Variants in BLOC1S3 observed in about 807,000 individuals in gnomAD.
The protein encoded by BLOC1S3 is biogenesis of lysosomal organelles complex 1 subunit 3.
BLOC1S3 carries 7 observed loss-of-function variants against 9.1 expected under a neutral mutation model. That is an observed-to-expected ratio of 0.77 (90% CI 0.44 to 1.45). BLOC1S3 has a LOEUF of 1.45. Ranked by LOEUF, BLOC1S3 falls within the 40% of genes most tolerant of loss-of-function variation. BLOC1S3 has a pLI of 0.01. For synonymous variants in BLOC1S3, 145 were observed against 158.4 expected, an observed-to-expected ratio of 0.92 and a Z score of 0.64; for missense variants, 307 against 315.2, an observed-to-expected ratio of 0.97 and a Z score of 0.20.
intron 3 of BLOC1S3, among the ~76,000 whole-genome samples, chr19:45,206,138 G>A (rs1014400021): frequency 7.2e-5 from 11 of 151,862 alleles, no homozygotes; most frequent in African/African-American, 1.5e-4. Context: ...ACCTGAGGTC[G>A]GCAGTTCAAG....
At chr19:45,195,026 G>A (rs1188028338) in intron 2 of BLOC1S3, among the ~76,000 whole-genome samples, 1 of 150,592 alleles carries the variant, frequency 6.6e-6, no homozygotes, top group Non-Finnish European at 1.5e-5. Flanking sequence ...CCGCCTCCCA[G>A]TTCAAGCGAG....
intron 3 of BLOC1S3, chr19:45,216,129 G>C: frequency 6.2e-7 from 1 of 1,614,034 alleles, no homozygotes; most frequent in Non-Finnish European, 8.5e-7. Context: ...TGCTGGGCGT[G>C]TCTTCCAGCT....
intron 2 of BLOC1S3, among the ~76,000 whole-genome samples, chr19:45,198,638 T>G (rs1969667467): frequency 6.6e-6 from 1 of 152,226 alleles, no homozygotes; most frequent in African/African-American, 2.4e-5. Flanking sequence ...TCCTAGCCTG[T>G]GAGGTTTCCA....
intron 2 of BLOC1S3, among the ~76,000 whole-genome samples, chr19:45,196,031 C>T (rs3848527): frequency 6.6e-6 from 1 of 152,032 alleles, no homozygotes; most frequent in East Asian, 1.9e-4. Flanking sequence ...AGGGTGTTCC[C>T]TATTGTTTGT....
At chr19:45,192,472 C>T (rs530016797) in intron 2 of BLOC1S3, among the ~76,000 whole-genome samples, 11 of 152,172 alleles carry the variant, frequency 7.2e-5, no homozygotes, top group African/African-American at 2.4e-4. Flanking sequence ...TCTTCCCTCC[C>T]GCTTCCTTGA....
intron 3 of BLOC1S3, among the ~76,000 whole-genome samples, chr19:45,215,903 GAGA>G (rs1413683477): frequency 2.6e-5 from 4 of 152,214 alleles, no homozygotes; most frequent in East Asian, 1.9e-4. Flanking sequence ...GCGGCGGCAG[GAGA>G]AGGAGGGAAA....
At chr19:45,211,065 C>A (rs540108054) in intron 3 of BLOC1S3, among the ~76,000 whole-genome samples, 11 of 152,206 alleles carry the variant, frequency 7.2e-5, no homozygotes, top group Admixed American at 2.0e-4. Context: ...GAGCTATGAT[C>A]GTGTCATTGC....
chr19:45,214,793 C>T (rs1376886008), intron 3 of BLOC1S3, among the ~76,000 whole-genome samples: 1 of 152,000 alleles, frequency 6.6e-6, no homozygotes, highest in South Asian at 2.1e-4. Context: ...TAGAGCCAGT[C>T]TACTGCCTGG....
At chr19:45,208,357 A>G (rs1433917496) in intron 3 of BLOC1S3, among the ~76,000 whole-genome samples, 1 of 151,980 alleles carries the variant, frequency 6.6e-6, no homozygotes. Context: ...CTGTAATCTC[A>G]GTACTTTGGG....
In BLOC1S3 at chr19:45,179,824, C is replaced by T. The variant is rs1296913254; in HGVS notation, c.528C>T (p.Ile176=). ...DLCALAERLD[I]VAGCRLLPDI... Reference sequence around the variant, plus strand: ...GTGCGCTGGCCGAGCGTCTGGACATCGTGGCTGGCTGCCGCCTGCTGCCGG... The same window carrying T: ...GTGCGCTGGCCGAGCGTCTGGACATTGTGGCTGGCTGCCGCCTGCTGCCGG... Residue 176 remains isoleucine (I), a synonymous_variant, in exon 2 of 2, where the codon ATC becomes ATT. Coordinates refer to ENST00000433642, the MANE Select transcript of BLOC1S3 (RefSeq NM_212550.5). This position sits in a 1 kb window ranked among gnomAD's most constrained non-coding sequence, Gnocchi z 4.6. 2 of 1,608,082 alleles carry T rather than the reference C, an allele frequency of 1.2e-6. No individual in the cohort carries two copies. Among genetic ancestry groups the T allele is most frequent in the Non-Finnish European group, 1.7e-6 (2 of 1,178,412 alleles).
At position 45,180,020 on chromosome 19, in the gene BLOC1S3, G is replaced by A. The variant is rs947548441; in HGVS notation, c.*115G>A. The A allele has an allele frequency of 1.3e-5, 17 of 1,269,394 alleles. No individual in the cohort carries two copies. Among genetic ancestry groups the A allele is most frequent in the African/African-American group, 3.1e-5 (2 of 64,818 alleles). 78.6% of individuals were successfully genotyped at this position (1,269,394 alleles called of 1,614,324 possible). On this transcript the variant is annotated 3_prime_UTR_variant, in exon 2 of 2. Transcript: ENST00000433642. ...CCCCCACCCCCGCTCCCATCTTGGTGTCACCCATGGGGGCTAATCCGGTCC... is the reference window on the plus strand; with the variant it reads ...CCCCCACCCCCGCTCCCATCTTGGTATCACCCATGGGGGCTAATCCGGTCC...
At chr19:45,198,281 GT>G (rs1969664139) in intron 2 of BLOC1S3, among the ~76,000 whole-genome samples, 1 of 151,854 alleles carries the variant, frequency 6.6e-6, no homozygotes, top group South Asian at 2.1e-4. Flanking sequence ...TGGGGAAGGG[GT>G]TTTTTTGTTT....
At chr19:45,210,249 T>C (rs1433171988) in intron 3 of BLOC1S3, among the ~76,000 whole-genome samples, 1 of 151,974 alleles carries the variant, frequency 6.6e-6, no homozygotes, top group Non-Finnish European at 1.5e-5. Context: ...TTTAAAATTT[T>C]TTTATTGTGC....
rs575446531 is a variant in BLOC1S3 at position 45,207,500 on chromosome 19, T to G, written n.282+4993T>G. On this transcript the variant is annotated intron_variant and non_coding_transcript_variant, in intron 3 of 3. Coordinates refer to the BLOC1S3 transcript ENST00000591569. The stretch of plus-strand genomic sequence containing the variant: ...ATCTTTAACTTCTCGCAGTCTACAT[T>G]CAAGTGCTACTGCACTCCACACTCC... Among the ~76,000 whole-genome samples, 9 of 136,770 alleles carry G rather than the reference T, an allele frequency of 6.6e-5. No homozygotes were observed. The South Asian group carries it at 1.8e-3, about 28-fold the overall frequency. 89.7% of individuals were successfully genotyped at this position (136,770 alleles called of 152,430 possible). A position where few individuals can be genotyped will look rare whatever the true frequency, so the allele number is the denominator to read the frequency against.
At chr19:45,194,102 CT>C (rs34470523) in intron 2 of BLOC1S3, among the ~76,000 whole-genome samples, 2,475 of 44,970 alleles carry the variant, frequency 0.055, 57 homozygotes, top group Non-Finnish European at 0.064. Context: ...CGCGCCTGGC[CT>C]TTTTTTTTTT....
In BLOC1S3 at chr19:45,210,081, G is replaced by A. The variant is rs1969756910; in HGVS notation, n.283-6595G>A. 2.1e-5 allele frequency among the ~76,000 whole-genome samples: 3 copies of A among 145,488 alleles called. No homozygotes were observed. In the South Asian group the frequency reaches 6.4e-4, roughly 31 times the overall value. ...CAAAACAAAACAAAATTATGCACAT[G>A]AAAAACATCAGTCACAAAAGACTAC... On this transcript the variant is annotated intron_variant and non_coding_transcript_variant, in intron 3 of 3. Coordinates refer to the BLOC1S3 transcript ENST00000591569.
At chr19:45,216,060 CG>C in intron 3 of BLOC1S3, 1 of 1,613,020 alleles carries the variant, frequency 6.2e-7, no homozygotes, top group Non-Finnish European at 8.5e-7. Flanking sequence ...CTGGCCCAGG[CG>C]GGGTGTCTCA....
downstream of BLOC1S3, among the ~76,000 whole-genome samples, chr19:45,183,734 C>T (rs999530791): frequency 4.2e-5 from 6 of 141,866 alleles, no homozygotes; most frequent in Non-Finnish European, 9.0e-5. Context: ...TTAAGCAATT[C>T]TCCTGCTTCA....
rs763420511 is a variant in BLOC1S3, at chr19:45,213,238, G to A, written n.283-3438G>A. 21 of 1,613,154 alleles carry A rather than the reference G, an allele frequency of 1.3e-5. No individual in the cohort carries two copies. In the South Asian group the frequency reaches 2.2e-4, roughly 17 times the overall value. On this transcript the variant is annotated intron_variant and non_coding_transcript_variant, in intron 3 of 3. Coordinates refer to the BLOC1S3 transcript ENST00000591569. ...GTCTGCAAAGAAGGCACGGTCCCGA[G>A]GGGGTGACAGGGCTCCCTCCTCAGA...
Sources: gnomAD v4.1 joint callset for allele counts (sites outside exome capture counted in the v4.1 genomes callset) on GRCh38, gnomAD v4.1.1 for gene constraint, Gnocchi (gnomAD v3.1) non-coding constraint, MANE v1.5 for transcripts, NCBI Gene and HGNC (gene_info 2026-07-23, HGNC 2026-07-21) for gene names.